TENM4: variants seen among roughly 807,000 people sequenced by gnomAD.
TENM4 encodes teneurin transmembrane protein 4, also known as teneurin-4.
In TENM4, 82 loss-of-function variants were observed where a neutral mutation model predicts 243.3. The observed-to-expected ratio is 0.34, with a 90% CI of 0.28 to 0.40. TENM4 has a LOEUF of 0.40. Ranked by LOEUF, TENM4 falls within the 10% of genes least tolerant of loss-of-function variation. TENM4 has a pLI of 1.00. For synonymous variants in TENM4, 1,412 were observed against 1,456.3 expected, an observed-to-expected ratio of 0.97 and a Z score of 0.69; for missense variants, 3,138 against 3,673.3, an observed-to-expected ratio of 0.85 and a Z score of 3.77.
At chr11:79,052,303 G>A (rs914655540) in intron 6 of TENM4, among the ~76,000 whole-genome samples, 1 of 152,140 alleles carries the variant, frequency 6.6e-6, no homozygotes, top group African/African-American at 2.4e-5. Context: ...TGACTTTTTA[G>A]TAATAGCCAT....
chr11:79,092,905 A>G (rs917672256), intron 4 of TENM4: 7 of 152,194 alleles, frequency 4.6e-5, no homozygotes, highest in Non-Finnish European at 8.8e-5. Context: ...TAATTCTCAG[A>G]GCCTTGTTTT....
chr11:79,157,650 G>A (rs1438047633), intron 3 of TENM4, among the ~76,000 whole-genome samples: 2 of 152,106 alleles, frequency 1.3e-5, no homozygotes, highest in East Asian at 3.9e-4. Context: ...GTGTCTGCCT[G>A]GAACATCCTA....
Position 79,245,938 on chromosome 11 carries a change from T to TAAAAAAAAA in TENM4, c.-264-30038_-264-30030dup, listed in dbSNP as rs1199883938. Among the ~76,000 whole-genome samples the TAAAAAAAAA allele has an allele frequency of 6.6e-4, 43 of 64,798 alleles. 1 individual carries two copies. The highest frequency in any genetic ancestry group is 1.1e-3 in the African/African-American group (20 of 18,548). The allele number at this position is 64,798 out of a possible 152,430, so 42.5% of individuals were successfully genotyped here. A position where few individuals can be genotyped will look rare whatever the true frequency, so the allele number is the denominator to read the frequency against. ...CTGAGTGACAGAGAAAGACTTTGTC[T>TAAAAAAAAA]AAAAAAAAAAAAAAAAAAAAAAAAG... On this transcript the variant is annotated intron_variant, in intron 2 of 33. Coordinates refer to ENST00000278550, the MANE Select transcript of TENM4 (RefSeq NM_001098816.3).
chr11:78,751,092 G>C (rs999957476), intron 19 of TENM4, among the ~76,000 whole-genome samples: 17 of 152,096 alleles, frequency 1.1e-4, no homozygotes, highest in African/African-American at 4.1e-4. Context: ...CATTGCCCAG[G>C]CTGGTCTTGA....
At chr11:79,323,567 T>C (rs1856926661) in intron 1 of TENM4, among the ~76,000 whole-genome samples, 1 of 152,226 alleles carries the variant, frequency 6.6e-6, no homozygotes, top group African/African-American at 2.4e-5. Context: ...GATTAAACTA[T>C]GGTACCCAAT....
chr11:79,069,924 C>T lies in TENM4; in HGVS notation c.21G>A (p.Lys7=). ...GGCGCCGGGTCAGCGAGCGGTAAGGCTTCCTCTCCTTCACGTCCATGGCCT... is the reference window on the plus strand; with the variant it reads ...GGCGCCGGGTCAGCGAGCGGTAAGGTTTCCTCTCCTTCACGTCCATGGCCT... MDVKER[K]PYRSLTRRRD... The change falls in exon 5 of 34, where the codon AAG becomes AAA. Residue 7 remains lysine, a synonymous_variant. Coordinates refer to ENST00000278550, the MANE Select transcript of TENM4 (RefSeq NM_001098816.3). 1.3e-6 allele frequency: 2 copies of T among 1,546,612 alleles called. No homozygotes were observed. The highest frequency in any genetic ancestry group is 1.7e-6 in the Non-Finnish European group (2 of 1,146,548).
chr11:78,871,467 A>T (rs1945251), intron 9 of TENM4, among the ~76,000 whole-genome samples: 17,365 of 152,100 alleles, frequency 0.11, 1,253 homozygotes, highest in African/African-American at 0.21. Context: ...GCTATGACTG[A>T]CATCTCAGCT....
At chr11:78,779,753 T>A (rs1182622739) in intron 16 of TENM4, among the ~76,000 whole-genome samples, 10 of 152,188 alleles carry the variant, frequency 6.6e-5, no homozygotes, top group Non-Finnish European at 1.5e-5. Context: ...CAGCTGAATT[T>A]CACACATGAA....
At chr11:78,950,827 T>TA (rs1329621459) in intron 6 of TENM4, among the ~76,000 whole-genome samples, 1 of 152,212 alleles carries the variant, frequency 6.6e-6, no homozygotes, top group Non-Finnish European at 1.5e-5. Flanking sequence ...TCACAGCTAA[T>TA]AATGACAGAG....
chr11:78,873,792 T>C (rs1859196026), intron 9 of TENM4, among the ~76,000 whole-genome samples: 1 of 152,154 alleles, frequency 6.6e-6, no homozygotes, highest in Non-Finnish European at 1.5e-5. Flanking sequence ...CAATATTCAA[T>C]GGTCTACGCT....
intron 23 of TENM4, 89 bp from the exon 24 acceptor site, chr11:78,723,006 G>A (rs1855432547): frequency 9.7e-6 from 15 of 1,540,918 alleles, no homozygotes; most frequent in South Asian, 1.2e-5. Flanking sequence ...GATTTTGCAA[G>A]GCATGCAAGA....
intron 3 of TENM4, among the ~76,000 whole-genome samples, chr11:79,209,824 C>A (rs1863924036): frequency 6.6e-6 from 1 of 152,206 alleles, no homozygotes; most frequent in Non-Finnish European, 1.5e-5. Context: ...TTCCAAAGGA[C>A]AAGACAGGCA....
intron 6 of TENM4, among the ~76,000 whole-genome samples, chr11:78,975,426 G>A (rs1857632886): frequency 1.3e-5 from 2 of 152,206 alleles, no homozygotes; most frequent in Admixed American, 6.5e-5. Flanking sequence ...GCTGGCCAAC[G>A]TGACCAAGGA....
Position 79,057,972 on chromosome 11 carries a change from C to G in TENM4, c.493+6766G>C, listed in dbSNP as rs140596896. 9.8e-5 allele frequency among the ~76,000 whole-genome samples: 15 copies of G among 152,310 alleles called. No individual in the cohort carries two copies. In the East Asian group the frequency reaches 2.9e-3, roughly 29 times the overall value. On this transcript the variant is annotated intron_variant, in intron 6 of 33. Transcript: ENST00000278550. ...TTCTTCCATAAAGCTTTCTCAGATA[C>G]CTTCTGATGGGATATTTCTCTTAAT... is the stretch of plus-strand genomic sequence containing the variant.
intron 29 of TENM4, among the ~76,000 whole-genome samples, chr11:78,683,703 G>A (rs373001584): frequency 5.4e-5 from 8 of 149,336 alleles, no homozygotes; most frequent in South Asian, 2.2e-4. Flanking sequence ...GATGAACCCG[G>A]TACCTCAGAT....
intron 25 of TENM4, 40 bp downstream of exon 25, chr11:78,720,330 G>T (rs1433307810): frequency 1.9e-6 from 3 of 1,611,956 alleles, no homozygotes; most frequent in African/African-American, 2.7e-5. Context: ...CATGCAACAA[G>T]GCAGGGGTGA....
At chr11:79,306,999 A>T (rs528765933) in intron 1 of TENM4, among the ~76,000 whole-genome samples, 9 of 152,296 alleles carry the variant, frequency 5.9e-5, no homozygotes, top group Admixed American at 3.9e-4. Flanking sequence ...GCCTCTTTGT[A>T]AAAGGATCTT....
Position 78,891,461 on chromosome 11 carries a change from C to T in TENM4, c.750-125G>A, listed in dbSNP as rs1855663771. ...CGTAAGACCAGCGGGACACGGTTTCCAGGCAATGGGTCAGTGTGCAAGCCA... is the reference window on the plus strand; with the variant it reads ...CGTAAGACCAGCGGGACACGGTTTCTAGGCAATGGGTCAGTGTGCAAGCCA... On this transcript the variant is annotated intron_variant, in intron 7 of 33. Coordinates refer to ENST00000278550, the MANE Select transcript of TENM4 (RefSeq NM_001098816.3). The T allele has an allele frequency of 6.1e-6, 5 of 814,988 alleles. No individual in the cohort carries two copies. In the South Asian group the frequency reaches 8.1e-5, roughly 13 times the overall value. 50.5% of individuals were successfully genotyped at this position (814,988 alleles called of 1,614,324 possible). A position where few individuals can be genotyped will look rare whatever the true frequency, so the allele number is the denominator to read the frequency against.
intron 7 of TENM4, among the ~76,000 whole-genome samples, chr11:78,902,882 A>G (rs757814757): frequency 7.2e-5 from 11 of 152,020 alleles, no homozygotes; most frequent in Non-Finnish European, 1.5e-4. Context: ...GAGCCAAACC[A>G]GACTGAGAGC....
Sources: allele counts gnomAD v4.1 joint callset (sites outside exome capture counted in the v4.1 genomes callset), GRCh38; gene constraint gnomAD v4.1.1; transcripts MANE v1.5; gene names NCBI Gene and HGNC (gene_info 2026-07-23, HGNC 2026-07-21).